Variants in PTP4A3 observed in about 807,000 individuals in gnomAD.
PTP4A3 encodes protein tyrosine phosphatase 4A3, also known as protein tyrosine phosphatase type IVA 3.
PTP4A3 carries 9 observed loss-of-function variants against 15.2 expected under a neutral mutation model. That is an observed-to-expected ratio of 0.59 (90% CI 0.36 to 1.03). PTP4A3 has a LOEUF of 1.03. Ranked by LOEUF, PTP4A3 falls within the 50% of genes least tolerant of loss-of-function variation. The probability of loss-of-function intolerance (pLI) is 0.02; values close to 1 mark genes in which losing one functional copy is unlikely to be tolerated. For synonymous variants in PTP4A3, 95 were observed against 102.0 expected (o/e 0.93, Z 0.41); for missense variants, 234 against 252.1 (o/e 0.93, Z 0.49).
chr8:141,429,029 G>C (rs1221374105), intron 5 of PTP4A3, among the ~76,000 whole-genome samples: 1 of 152,212 alleles, frequency 6.6e-6, no homozygotes, highest in African/African-American at 2.4e-5. Context: ...GTGGCTCCCC[G>C]CACCTGAGGC....
At chr8:141,424,946 TG>T in intron 2 of PTP4A3, 101 bp from the exon 3 acceptor site, 1 of 960,678 alleles carries the variant, frequency 1.0e-6, no homozygotes, top group Non-Finnish European at 1.6e-6. Context: ...TGGGTGACTG[TG>T]GGGGACACAG....
At chr8:141,394,601 C>T (rs1017090962) in intron 1 of PTP4A3, among the ~76,000 whole-genome samples, 1 of 152,336 alleles carries the variant, frequency 6.6e-6, no homozygotes, top group South Asian at 2.1e-4. Flanking sequence ...GGTTTCTTGC[C>T]CCTCCGTTTC....
At chr8:141,394,184 G>C (rs1475689047) in intron 1 of PTP4A3, among the ~76,000 whole-genome samples, 1 of 152,220 alleles carries the variant, frequency 6.6e-6, no homozygotes, top group African/African-American at 2.4e-5. Flanking sequence ...CCTCTCCCTG[G>C]TTGGCAGGTC....
chr8:141,403,080 G>T (rs989083662), intron 1 of PTP4A3, among the ~76,000 whole-genome samples: 4 of 152,282 alleles, frequency 2.6e-5, no homozygotes, highest in Admixed American at 2.6e-4. Context: ...TGATTCGGAG[G>T]GAGTGACGGG....
chr8:141,405,216 C>T (rs908960500), intron 1 of PTP4A3, among the ~76,000 whole-genome samples: 2 of 152,332 alleles, frequency 1.3e-5, no homozygotes, highest in African/African-American at 4.8e-5. Context: ...TGTGGGGACC[C>T]AGGTCCCTTG....
In PTP4A3 at chr8:141,431,726, C is replaced by T. The variant is rs1833886664; in HGVS notation, c.*682C>T. On this transcript the variant is annotated 3_prime_UTR_variant, in exon 6 of 6. Coordinates refer to ENST00000521578, the MANE Select transcript of PTP4A3 (RefSeq NM_032611.3). ...CCTGTCCTGATACCGAGGTGGGAGC[C>T]CTGCCTTGGCCAGGGTGGCCGTGTT... 6.6e-6 allele frequency: 1 copy of T among 152,528 alleles called. No homozygotes were observed. The highest frequency in any genetic ancestry group is 2.1e-4 in the South Asian group (1 of 4,844). The allele number at this position is 152,528 out of a possible 1,614,324, so 9.4% of individuals were successfully genotyped here. A position where few individuals can be genotyped will look rare whatever the true frequency, so the allele number is the denominator to read the frequency against.
intron 1 of PTP4A3, among the ~76,000 whole-genome samples, chr8:141,417,251 C>T (rs1833091119): frequency 6.6e-6 from 1 of 152,172 alleles, no homozygotes; most frequent in Admixed American, 6.5e-5. Flanking sequence ...CAGGGTGTTC[C>T]TCGTTGCAGT....
At position 141,430,877 on chromosome 8, in the gene PTP4A3, G is replaced by A. The variant is rs201022606; in HGVS notation, c.405-50G>A. 4.7e-5 allele frequency: 74 copies of A among 1,587,286 alleles called. No homozygotes were observed. In the African/African-American group the frequency reaches 8.3e-4, roughly 18 times the overall value. ...TCCAGCTCCCTGGGGCAGGTGAGAT[G>A]GCCGAGCCAGGTCCTTGGATGATCT... On this transcript the variant is annotated intron_variant, in intron 5 of 5. Transcript: ENST00000521578.
At chr8:141,412,169 C>G (rs961438846) in intron 1 of PTP4A3, among the ~76,000 whole-genome samples, 8 of 152,330 alleles carry the variant, frequency 5.3e-5, no homozygotes, top group Admixed American at 2.0e-4. Flanking sequence ...TGGGCTCTTC[C>G]TTTTCTGTGA....
intron 1 of PTP4A3, among the ~76,000 whole-genome samples, chr8:141,395,743 TCCCTCCTGCAGC>T (rs1279662374): frequency 2.1e-5 from 3 of 144,538 alleles, no homozygotes; most frequent in Middle Eastern, 3.2e-3. Context: ...GGGCCACCCC[TCCCTCCTGCAGC>T]CCCCGTTCAT....
intron 1 of PTP4A3, among the ~76,000 whole-genome samples, chr8:141,418,072 C>A (rs1169835574): frequency 6.6e-6 from 1 of 152,012 alleles, no homozygotes; most frequent in East Asian, 1.9e-4. Flanking sequence ...GACCCCAGCC[C>A]CGCCGGGGAG....
intron 1 of PTP4A3, among the ~76,000 whole-genome samples, chr8:141,415,953 C>T (rs1035188249): frequency 6.6e-6 from 1 of 151,918 alleles, no homozygotes; most frequent in African/African-American, 2.4e-5. Flanking sequence ...GACTTGGGCC[C>T]GCTCTGGGAG....
At chr8:141,424,304 G>A (rs1206731162) in intron 2 of PTP4A3, among the ~76,000 whole-genome samples, 2 of 152,164 alleles carry the variant, frequency 1.3e-5, no homozygotes, top group Admixed American at 6.5e-5. Flanking sequence ...TGGATCCTCC[G>A]CAGTGGGGGT....
chr8:141,398,951 GC>G (rs971152693), intron 1 of PTP4A3, among the ~76,000 whole-genome samples: 2 of 152,032 alleles, frequency 1.3e-5, no homozygotes, highest in African/African-American at 4.8e-5. Flanking sequence ...GTGACGGGTG[GC>G]CCTGCCCTGT....
At chr8:141,396,321 G>A (rs895063927) in intron 1 of PTP4A3, among the ~76,000 whole-genome samples, 5 of 152,182 alleles carry the variant, frequency 3.3e-5, no homozygotes, top group Admixed American at 6.5e-5. Context: ...GAGAAGTGAC[G>A]TGCCAGGGTC....
intron 1 of PTP4A3, among the ~76,000 whole-genome samples, chr8:141,402,626 C>T (rs115440621): frequency 2.0e-5 from 3 of 152,080 alleles, no homozygotes; most frequent in African/African-American, 7.2e-5. Context: ...GGCAGCCCTG[C>T]CCCCGCCCAC....
At chr8:141,423,966 C>T (rs1833449755) in intron 2 of PTP4A3, among the ~76,000 whole-genome samples, 1 of 149,742 alleles carries the variant, frequency 6.7e-6, no homozygotes, top group South Asian at 2.2e-4. Flanking sequence ...GTGTGACTAT[C>T]AAGGCTCAGG....
In PTP4A3 at chr8:141,406,441, C is replaced by T. The variant is rs1312181071; in HGVS notation, c.-854+14357C>T. On this transcript the variant is annotated intron_variant, in intron 1 of 5. Coordinates refer to ENST00000521578, the MANE Select transcript of PTP4A3 (RefSeq NM_032611.3). The surrounding 1 kb of genome is among the most constrained non-coding windows in gnomAD (Gnocchi z 4.5). Reference sequence around the variant, plus strand: ...CCTCTTTCTGCTGCCACCCAGAGCCCGCCCTTTCCGGAGAGCAGTTCCCTG... The same window carrying T: ...CCTCTTTCTGCTGCCACCCAGAGCCTGCCCTTTCCGGAGAGCAGTTCCCTG... 6.6e-6 allele frequency among the ~76,000 whole-genome samples: 1 copy of T among 152,042 alleles called. No individual in the cohort carries two copies. Among genetic ancestry groups the T allele is most frequent in the African/African-American group, 2.4e-5 (1 of 41,396 alleles).
At chr8:141,408,348 G>T (rs1832783669) in intron 1 of PTP4A3, among the ~76,000 whole-genome samples, 1 of 152,254 alleles carries the variant, frequency 6.6e-6, no homozygotes, top group African/African-American at 2.4e-5. Context: ...ACTGGGCCTG[G>T]TGGCTCACGC....
Sources: allele counts gnomAD v4.1 joint callset (sites outside exome capture counted in the v4.1 genomes callset), GRCh38; gene constraint gnomAD v4.1.1; non-coding constraint Gnocchi (gnomAD v3.1); transcripts MANE v1.5; gene names NCBI Gene and HGNC (gene_info 2026-07-23, HGNC 2026-07-21).